Variants in WWOX observed in about 807,000 individuals in gnomAD.
WWOX encodes WW domain containing oxidoreductase.
In WWOX, 69 loss-of-function variants were observed where a neutral mutation model predicts 46.2. That is an observed-to-expected ratio of 1.49 (90% CI 1.23 to 1.82). WWOX has a LOEUF of 1.82. Ranked by LOEUF, WWOX falls within the 40% of genes most tolerant of loss-of-function variation. WWOX has a pLI of 0.00. For missense variants in WWOX, 919 were observed against 542.6 expected (o/e 1.69, Z -6.89); for synonymous variants, 359 against 202.6 (o/e 1.77, Z -6.56).
intron 8 of WWOX, among the ~76,000 whole-genome samples, chr16:78,522,853 C>G (rs2043379426): frequency 6.6e-6 from 1 of 152,174 alleles, no homozygotes; most frequent in African/African-American, 2.4e-5. Context: ...AGGTGGATCA[C>G]TCGAGGTCAG....
At chr16:78,348,474 T>G (rs2081130859) in intron 5 of WWOX, among the ~76,000 whole-genome samples, 1 of 120,570 alleles carries the variant, frequency 8.3e-6, no homozygotes, top group Admixed American at 8.0e-5. Flanking sequence ...TTTATTTTAG[T>G]TTTTTGAGAC....
chr16:79,211,226 A>T (rs1436267265), intron 8 of WWOX, among the ~76,000 whole-genome samples: 1 of 152,164 alleles, frequency 6.6e-6, no homozygotes, highest in Non-Finnish European at 1.5e-5. Context: ...TTGGTATCGA[A>T]TTACATTATA....
At position 79,137,384 on chromosome 16, in the gene WWOX, T is replaced by G. The variant is rs1489168592; in HGVS notation, c.1057-74224T>G. ...TAAGTTAACACTACTTTTATTAAAT[T>G]CAGTTTTTATCACAGCTGATAACTT... On this transcript the variant is annotated intron_variant, in intron 8 of 8. Transcript: ENST00000566780. Among the ~76,000 whole-genome samples, 3 of 152,198 alleles carry G rather than the reference T, an allele frequency of 2.0e-5. No individual in the cohort carries two copies. The East Asian group carries it at 5.8e-4, about 29-fold the overall frequency.
At chr16:78,422,663 G>GTATATATATATATATATATATATATGTA (rs569996246) in intron 6 of WWOX, among the ~76,000 whole-genome samples, 1 of 24,382 alleles carries the variant, frequency 4.1e-5, no homozygotes, top group Non-Finnish European at 1.1e-4. Flanking sequence ...TTTTTTACAT[G>GTATATATATATATATATATATATATGTA]TATATATATA....
At chr16:78,994,282 T>A (rs999157289) in intron 8 of WWOX, 1 of 152,092 alleles carries the variant, frequency 6.6e-6, no homozygotes, top group Non-Finnish European at 1.5e-5. Context: ...AAGAATAATT[T>A]TTAAGAAATG....
At chr16:79,150,692 CCCAGGCCACCGTTTATGTTGT>C (rs1394938105) in intron 8 of WWOX, among the ~76,000 whole-genome samples, 9 of 152,214 alleles carry the variant, frequency 5.9e-5, no homozygotes, top group African/African-American at 1.9e-4. Context: ...CACGTCGTTG[CCCAGGCCACCGTTTATGTTGT>C]CCAGGCCACC....
At chr16:78,291,641 T>C (rs1470458834) in intron 5 of WWOX, among the ~76,000 whole-genome samples, 1 of 152,204 alleles carries the variant, frequency 6.6e-6, no homozygotes. Context: ...TTTCAATCTG[T>C]GGGCTAACGT....
chr16:78,984,271 G>C (rs1597238067), intron 8 of WWOX, among the ~76,000 whole-genome samples: 1 of 152,238 alleles, frequency 6.6e-6, no homozygotes, highest in South Asian at 2.1e-4. Flanking sequence ...CTATATGGCA[G>C]AGCTTGGAAT....
rs184856949 is a variant in WWOX, at chr16:78,577,529, C to G, written c.1056+144777C>G. On this transcript the variant is annotated intron_variant, in intron 8 of 8. Coordinates refer to ENST00000566780, the MANE Select transcript of WWOX (RefSeq NM_016373.4). ...TGGGTATGATGCCCTAATTTTGAGC[C>G]AAGCCAGCTAGAGTTCAAGTCCAAA... Among the ~76,000 whole-genome samples, 186 of 152,302 alleles carry G rather than the reference C, an allele frequency of 1.2e-3. 1 individual carries two copies. The highest frequency in any genetic ancestry group is 4.3e-3 in the African/African-American group (179 of 41,554).
At chr16:78,408,006 A>G (rs527478019) in intron 6 of WWOX, among the ~76,000 whole-genome samples, 1 of 152,280 alleles carries the variant, frequency 6.6e-6, no homozygotes, top group African/African-American at 2.4e-5. Context: ...AGTTGGTATG[A>G]CTGGTGTATG....
intron 8 of WWOX, among the ~76,000 whole-genome samples, chr16:78,942,499 A>T (rs2045871822): frequency 6.6e-6 from 1 of 152,176 alleles, no homozygotes; most frequent in Admixed American, 6.5e-5. Flanking sequence ...AGAAAAATTG[A>T]TTCCCGTAGC....
At chr16:78,959,428 A>G (rs1378146321) in intron 8 of WWOX, among the ~76,000 whole-genome samples, 1 of 152,244 alleles carries the variant, frequency 6.6e-6, no homozygotes, top group Non-Finnish European at 1.5e-5. Context: ...TTGAAAAGAT[A>G]ACACTAACAA....
Position 78,765,993 on chromosome 16 carries a change from T to C in WWOX, c.1056+333241T>C, listed in dbSNP as rs187344481. On this transcript the variant is annotated intron_variant, in intron 8 of 8. Transcript: ENST00000566780. Reference sequence around the variant, plus strand: ...CAAAAGTATGACTAGATCCAGGAAATACAGCTGGAGAGACCCAAGTCTGCA... The same window carrying C: ...CAAAAGTATGACTAGATCCAGGAAACACAGCTGGAGAGACCCAAGTCTGCA... Among the ~76,000 whole-genome samples the C allele has an allele frequency of 3.4e-3, 517 of 152,156 alleles. 5 individuals carry two copies. The highest frequency in any genetic ancestry group is 0.011 in the African/African-American group (474 of 41,508).
intron 8 of WWOX, among the ~76,000 whole-genome samples, chr16:78,904,934 G>T (rs765240317): frequency 6.6e-6 from 1 of 152,080 alleles, no homozygotes; most frequent in Admixed American, 6.5e-5. Context: ...TGGTGCCCCT[G>T]TTGGTTTTCC....
rs1193123625 is a variant in WWOX at position 78,907,149 on chromosome 16, A to G, written c.1057-304459A>G. Among the ~76,000 whole-genome samples the G allele has an allele frequency of 2.0e-5, 3 of 152,108 alleles. No individual in the cohort carries two copies. In the South Asian group the frequency reaches 6.2e-4, roughly 32 times the overall value. ...GGTTTTTTTAAGGATAGTTTTGTGG[A>G]CAAGAGAATGGGTACTGCTGATGGG... On this transcript the variant is annotated intron_variant, in intron 8 of 8. Transcript: ENST00000566780.
intron 5 of WWOX, among the ~76,000 whole-genome samples, chr16:78,219,515 T>G (rs969927713): frequency 1.3e-4 from 20 of 152,210 alleles, no homozygotes; most frequent in African/African-American, 4.8e-4. Context: ...TAACATGACT[T>G]TAAATTGATG....
chr16:78,798,498 C>T (rs1281450130), intron 8 of WWOX, among the ~76,000 whole-genome samples: 1 of 151,850 alleles, frequency 6.6e-6, no homozygotes, highest in Non-Finnish European at 1.5e-5. Flanking sequence ...ATTGTACAGC[C>T]TGTACTTGAG....
intron 8 of WWOX, among the ~76,000 whole-genome samples, chr16:78,642,730 G>C (rs1336394839): frequency 1.3e-5 from 2 of 152,106 alleles, no homozygotes; most frequent in Admixed American, 1.3e-4. Context: ...TGCTGAGGCT[G>C]TGTGTGGGTG....
intron 8 of WWOX, among the ~76,000 whole-genome samples, chr16:78,641,984 C>T (rs2142116673): frequency 6.6e-6 from 1 of 152,134 alleles, no homozygotes; most frequent in East Asian, 1.9e-4. Context: ...GCCGTAAGTC[C>T]TTGGAAAATG....
Sources: allele counts gnomAD v4.1 joint callset (sites outside exome capture counted in the v4.1 genomes callset), GRCh38; gene constraint gnomAD v4.1.1; transcripts MANE v1.5; gene names NCBI Gene and HGNC (gene_info 2026-07-23, HGNC 2026-07-21).